SLC30A8: variants seen among roughly 807,000 people sequenced by gnomAD.
SLC30A8 encodes solute carrier family 30 member 8, also known as proton-coupled zinc antiporter SLC30A8.
SLC30A8 carries 27 observed loss-of-function variants against 36.9 expected under a neutral mutation model. The observed-to-expected ratio is 0.73, with a 90% confidence interval of 0.54 to 1.01. The LOEUF is 1.01. SLC30A8 is among the 50% of genes least tolerant of loss of function. SLC30A8 has a pLI of 0.00. For missense variants in SLC30A8, 439 were observed against 452.0 expected, an observed-to-expected ratio of 0.97 and a Z score of 0.26; for synonymous variants, 164 against 172.4, an observed-to-expected ratio of 0.95 and a Z score of 0.38.
At chr8:117,059,032 T>TC (rs5894364) in intron 2 of SLC30A8, among the ~76,000 whole-genome samples, 4,517 of 152,234 alleles carry the variant, frequency 0.03, 151 homozygotes, top group African/African-American at 0.086. Flanking sequence ...GACAGAAATT[T>TC]CATACTGCAG....
chr8:117,006,093 A>G (rs1401484887), intron 1 of SLC30A8, among the ~76,000 whole-genome samples: 1 of 152,256 alleles, frequency 6.6e-6, no homozygotes, highest in Non-Finnish European at 1.5e-5. Flanking sequence ...AGTGTTATCC[A>G]GAGGCACTAA....
chr8:117,097,414 A>AT (rs1563593781), intron 2 of SLC30A8, among the ~76,000 whole-genome samples: 8 of 120,006 alleles, frequency 6.7e-5, no homozygotes, highest in Non-Finnish European at 1.3e-4. Context: ...AAAAAAAAAA[A>AT]AAAAATATAT....
intron 2 of SLC30A8, among the ~76,000 whole-genome samples, chr8:117,104,368 C>A (rs1016975490): frequency 2.0e-5 from 3 of 152,144 alleles, no homozygotes; most frequent in Admixed American, 2.0e-4. Flanking sequence ...TACCCAACAA[C>A]AGACTACAAT....
chr8:117,012,142 T>C (rs1816363474), intron 1 of SLC30A8, among the ~76,000 whole-genome samples: 1 of 152,212 alleles, frequency 6.6e-6, no homozygotes, highest in African/African-American at 2.4e-5. Context: ...ACTCATTTTG[T>C]ATTTAGCATA....
intron 1 of SLC30A8, among the ~76,000 whole-genome samples, chr8:117,005,739 A>G (rs888104902): frequency 1.3e-5 from 2 of 152,172 alleles, no homozygotes; most frequent in Admixed American, 1.3e-4. Flanking sequence ...TACTTCTTCA[A>G]CTGCTCAGTT....
chr8:116,984,952 A>G (rs891197628), intron 1 of SLC30A8, among the ~76,000 whole-genome samples: 18 of 152,088 alleles, frequency 1.2e-4, no homozygotes, highest in African/African-American at 4.3e-4. Context: ...CCTTTTAATG[A>G]GTTCTCCCCT....
intron 1 of SLC30A8, among the ~76,000 whole-genome samples, chr8:117,142,068 A>T (rs778580900): frequency 1.3e-5 from 2 of 152,140 alleles, no homozygotes; most frequent in Non-Finnish European, 2.9e-5. Context: ...CCAAGCTCTC[A>T]GCCTCTATAC....
At chr8:117,012,724 T>TAC (rs376889831) in intron 1 of SLC30A8, among the ~76,000 whole-genome samples, 10,490 of 126,132 alleles carry the variant, frequency 0.083, 658 homozygotes, top group African/African-American at 0.17. Context: ...GACATATGTA[T>TAC]ACACACACAC....
chr8:117,147,001 A>C lies in SLC30A8; in HGVS notation c.119A>C (p.Glu40Ala). The change falls in exon 2 of 8, where the codon GAG becomes GCG. Residue 40 changes from glutamate (E) to alanine (A), a missense_variant. Glu to Ala is a moderately radical substitution (Grantham distance 107). Transcript: ENST00000456015. ...KPVNKDQCPR[E>A]RPEELESGGM... is the part of the protein sequence containing the mutation. Reference sequence around the variant, plus strand: ...GTGAATAAAGATCAGTGTCCCAGAGAGAGACCAGAGGAGCTGGAGTCAGGA... The same window carrying C: ...GTGAATAAAGATCAGTGTCCCAGAGCGAGACCAGAGGAGCTGGAGTCAGGA... 6.2e-7 allele frequency: 1 copy of C among 1,614,052 alleles called. No homozygotes were observed.
chr8:117,048,012 T>C (rs1817605063), intron 2 of SLC30A8, among the ~76,000 whole-genome samples: 3 of 152,248 alleles, frequency 2.0e-5, no homozygotes. Context: ...TTGTTTAGCA[T>C]ATAATCAAGA....
chr8:116,991,328 A>G (rs1480211171), intron 1 of SLC30A8, among the ~76,000 whole-genome samples: 1 of 150,632 alleles, frequency 6.6e-6, no homozygotes, highest in Non-Finnish European at 1.5e-5. Context: ...TTTGTTTGAG[A>G]CAGTTTTACT....
At chr8:117,158,552 C>T (rs1236961523) in intron 4 of SLC30A8, among the ~76,000 whole-genome samples, 1 of 152,196 alleles carries the variant, frequency 6.6e-6, no homozygotes, top group Non-Finnish European at 1.5e-5. Context: ...TAAATTCTCC[C>T]TTAAGTTTCA....
intron 2 of SLC30A8, among the ~76,000 whole-genome samples, chr8:117,040,033 C>A (rs1038968382): frequency 6.6e-6 from 1 of 152,212 alleles, no homozygotes; most frequent in African/African-American, 2.4e-5. Context: ...TTTCTTCCCC[C>A]ATCTCACGTA....
intron 2 of SLC30A8, among the ~76,000 whole-genome samples, chr8:117,047,800 C>T (rs968690056): frequency 6.6e-6 from 1 of 152,144 alleles, no homozygotes; most frequent in Non-Finnish European, 1.5e-5. Flanking sequence ...GCACAAGATA[C>T]AGGTCAAAAG....
chr8:117,097,551 TAA>T (rs1177559861), intron 2 of SLC30A8, among the ~76,000 whole-genome samples: 2 of 108,018 alleles, frequency 1.9e-5, no homozygotes, highest in Non-Finnish European at 1.7e-5. Flanking sequence ...TAATTTTAAA[TAA>T]TATATATTAT....
intron 1 of SLC30A8, among the ~76,000 whole-genome samples, chr8:117,014,726 T>C (rs1816455031): frequency 1.3e-5 from 2 of 152,180 alleles, no homozygotes; most frequent in South Asian, 2.1e-4. Context: ...TTTCTATTGA[T>C]AGGTCACTGC....
chr8:117,073,582 A>G (rs758661757), intron 2 of SLC30A8, among the ~76,000 whole-genome samples: 91 of 152,150 alleles, frequency 6.0e-4, no homozygotes, highest in Non-Finnish European at 9.7e-4. Context: ...TACTCTACAA[A>G]TAGTTCTTGC....
chr8:117,161,196 C>T (rs867507762), intron 4 of SLC30A8, among the ~76,000 whole-genome samples: 3 of 152,204 alleles, frequency 2.0e-5, no homozygotes, highest in Non-Finnish European at 4.4e-5. Flanking sequence ...ACAATATTCT[C>T]ATCATTGGAC....
rs17812503 is a variant in SLC30A8 at position 117,009,432 on chromosome 8, C to G, written c.-265-29787C>G. On this transcript the variant is annotated intron_variant, in intron 1 of 10. Coordinates refer to the SLC30A8 transcript ENST00000427715. ...AATTGCCCTTCAAGAACTAGGTGAA[C>G]AAATTGCTCTTTGTTTTTTGTCATT... is the stretch of plus-strand genomic sequence containing the variant. Among the ~76,000 whole-genome samples the G allele has an allele frequency of 0.016, 2,426 of 152,244 alleles. 95 individuals are homozygous for G. The East Asian group carries it at 0.17, about 11-fold the overall frequency.
Sources: allele counts gnomAD v4.1 joint callset (sites outside exome capture counted in the v4.1 genomes callset), GRCh38; gene constraint gnomAD v4.1.1; transcripts MANE v1.5; gene names NCBI Gene and HGNC (gene_info 2026-07-23, HGNC 2026-07-21).